Variants in ACTR3C observed in about 807,000 individuals in gnomAD.
The protein encoded by ACTR3C is actin-related protein 3C.
A neutral mutation model predicts 26.3 loss-of-function variants in ACTR3C; 18 were observed. That is an observed-to-expected ratio of 0.68 (90% confidence interval 0.47 to 1.01). The LOEUF (loss-of-function observed/expected upper bound fraction) is 1.01, where lower values mean the gene tolerates loss of function less well. Among genes scored for constraint, ACTR3C ranks in the 50% least tolerant of loss-of-function variants. The pLI, the probability that ACTR3C is intolerant of heterozygous loss-of-function variation, is 0.00. For synonymous variants in ACTR3C, 55 were observed against 94.5 expected, an observed-to-expected ratio of 0.58 and a Z score of 2.42; for missense variants, 184 against 250.7, an observed-to-expected ratio of 0.73 and a Z score of 1.80.
the ACTR3C span, among the ~76,000 whole-genome samples, chr7:150,041,079 G>A: frequency 6.6e-6 from 1 of 150,634 alleles, no homozygotes; most frequent in Non-Finnish European, 1.5e-5. Context: ...TTCTCTCTCT[G>A]ACGCATACAA....
the ACTR3C span, among the ~76,000 whole-genome samples, chr7:149,886,939 G>A: frequency 2.1e-5 from 3 of 144,206 alleles, no homozygotes; most frequent in Non-Finnish European, 4.5e-5. Flanking sequence ...TGGCCTGGGC[G>A]ACAGAGCGAG....
chr7:149,952,786 C>T, the ACTR3C span, among the ~76,000 whole-genome samples: 6 of 150,964 alleles, frequency 4.0e-5, no homozygotes, highest in South Asian at 1.0e-3. Flanking sequence ...ATTAGGTTGG[C>T]AACAATTAAA....
At chr7:149,931,967 G>T in the ACTR3C span, among the ~76,000 whole-genome samples, 2 of 152,180 alleles carry the variant, frequency 1.3e-5, no homozygotes, top group Non-Finnish European at 2.9e-5. Flanking sequence ...TCCTTTAAAA[G>T]TACAAAATGG....
At chr7:150,105,590 T>TCA in the ACTR3C span, among the ~76,000 whole-genome samples, 1 of 152,066 alleles carries the variant, frequency 6.6e-6, no homozygotes, top group Non-Finnish European at 1.5e-5. Flanking sequence ...AGACTCCATG[T>TCA]CACCGGTCAC....
the ACTR3C span, among the ~76,000 whole-genome samples, chr7:149,942,025 C>T: frequency 6.6e-6 from 1 of 152,208 alleles, no homozygotes; most frequent in Non-Finnish European, 1.5e-5. Context: ...TGTCTCTCTG[C>T]CCTGGCTCTG....
the ACTR3C span, among the ~76,000 whole-genome samples, chr7:149,951,411 C>T: frequency 2.0e-5 from 3 of 147,696 alleles, 1 homozygote; most frequent in African/African-American, 8.1e-5. Context: ...GGACTCACAG[C>T]TCAGGGACCC....
chr7:150,168,987 C>G, the ACTR3C span, among the ~76,000 whole-genome samples: 1 of 150,666 alleles, frequency 6.6e-6, no homozygotes, highest in Non-Finnish European at 1.5e-5. Flanking sequence ...TATTGAATCC[C>G]TAACCTTCAA....
the ACTR3C span, among the ~76,000 whole-genome samples, chr7:149,998,159 C>T: frequency 0.046 from 6,977 of 150,726 alleles, 297 homozygotes; most frequent in African/African-American, 0.14. Context: ...GCACATCACC[C>T]TGTGGCAAGC....
chr7:150,090,258 G>C, the ACTR3C span, among the ~76,000 whole-genome samples: 2 of 152,250 alleles, frequency 1.3e-5, no homozygotes, highest in African/African-American at 4.8e-5. Context: ...TTTCAGATGA[G>C]AACTGAATAG....
At chr7:149,936,677 C>CA in the ACTR3C span, among the ~76,000 whole-genome samples, 1 of 152,238 alleles carries the variant, frequency 6.6e-6, no homozygotes, top group East Asian at 1.9e-4. Context: ...TGGAGGAACT[C>CA]AAAGAACACC....
intron 6 of ACTR3C, among the ~76,000 whole-genome samples, chr7:150,250,680 G>A (rs1832791025): frequency 6.6e-6 from 1 of 151,862 alleles, no homozygotes; most frequent in African/African-American, 2.4e-5. Context: ...CAGAGCCAAA[G>A]GAAATCTTGA....
At chr7:150,316,027 G>A (rs997458527) in intron 1 of ACTR3C, among the ~76,000 whole-genome samples, 1 of 152,096 alleles carries the variant, frequency 6.6e-6, no homozygotes, top group Admixed American at 6.6e-5. Context: ...GAGAAACCCC[G>A]TCTCTACTAA....
chr7:150,224,721 C>T, the ACTR3C span, among the ~76,000 whole-genome samples: 929 of 152,266 alleles, frequency 6.1e-3, 12 homozygotes, highest in African/African-American at 0.021. Flanking sequence ...TGTAAGGAGG[C>T]GTCTACATGC....
chr7:149,886,404 G>A, the ACTR3C span, among the ~76,000 whole-genome samples: 2 of 152,212 alleles, frequency 1.3e-5, no homozygotes, highest in Non-Finnish European at 1.5e-5. Context: ...GGAGGACGGG[G>A]GGAGGAAGCA....
At chr7:150,229,651 A>AT in the ACTR3C span, among the ~76,000 whole-genome samples, 10,866 of 134,222 alleles carry the variant, frequency 0.081, 506 homozygotes, top group Admixed American at 0.13. Flanking sequence ...CACACAGCTA[A>AT]TTTTTTTTTT....
At chr7:150,241,452 A>G (rs1332967228), downstream of ACTR3C, among the ~76,000 whole-genome samples, 1 of 152,226 alleles carries the variant, frequency 6.6e-6, no homozygotes, top group East Asian at 1.9e-4. Context: ...ACAACTCGAT[A>G]TCCACATGAA....
At chr7:150,029,160 C>T in the ACTR3C span, among the ~76,000 whole-genome samples, 1 of 152,150 alleles carries the variant, frequency 6.6e-6, no homozygotes, top group Non-Finnish European at 1.5e-5. Flanking sequence ...CTGTGTTCAG[C>T]ACAAATGTTG....
At chr7:150,037,233 C>T in the ACTR3C span, among the ~76,000 whole-genome samples, 3 of 47,986 alleles carry the variant, frequency 6.3e-5, 1 homozygote, top group Non-Finnish European at 1.3e-4. Context: ...AAGGTACCTG[C>T]CGTTGGAAGA....
the ACTR3C span, among the ~76,000 whole-genome samples, chr7:150,031,306 G>A: frequency 6.6e-6 from 1 of 151,052 alleles, no homozygotes; most frequent in East Asian, 1.9e-4. Context: ...GAACCTAGCC[G>A]TGGCTGATAT....
Sources: allele counts gnomAD v4.1 joint callset (sites outside exome capture counted in the v4.1 genomes callset), GRCh38; gene constraint gnomAD v4.1.1; transcripts MANE v1.5; gene names NCBI Gene and HGNC (gene_info 2026-07-23, HGNC 2026-07-21).